OGFOD1: variants seen among roughly 807,000 people sequenced by gnomAD.
OGFOD1 encodes the protein prolyl 3-hydroxylase OGFOD1.
Under a neutral mutation model 67.7 loss-of-function variants are expected in OGFOD1, and 54 were observed. The ratio of observed to expected loss-of-function variants is 0.80; its 90% CI spans 0.64 to 1.00. OGFOD1 has a LOEUF of 1.00. Among genes scored for constraint, OGFOD1 ranks in the 50% least tolerant of loss-of-function variants. OGFOD1 has a pLI of 0.00. For synonymous variants in OGFOD1, 221 were observed against 227.0 expected, an observed-to-expected ratio of 0.97 and a Z score of 0.24; for missense variants, 606 against 646.7, an observed-to-expected ratio of 0.94 and a Z score of 0.68.
chr16:56,473,938 C>A (rs1357277262), intron 10 of OGFOD1, among the ~76,000 whole-genome samples: 5 of 151,982 alleles, frequency 3.3e-5, no homozygotes, highest in African/African-American at 1.2e-4. Context: ...TCCTAAGTAG[C>A]TGGGATTACA....
At chr16:56,458,790 T>C in intron 3 of OGFOD1, 196 bp downstream of exon 3, 1 of 546,104 alleles carries the variant, frequency 1.8e-6, no homozygotes, top group Non-Finnish European at 3.3e-6. Flanking sequence ...CCTAAGTCTG[T>C]CTGATTCCAA....
At chr16:56,468,818 AT>A (rs1963018520) in intron 8 of OGFOD1, among the ~76,000 whole-genome samples, 1 of 151,770 alleles carries the variant, frequency 6.6e-6, no homozygotes, top group South Asian at 2.1e-4. Flanking sequence ...CACTCTGGGT[AT>A]TTATTTTGTC....
chr16:56,467,750 T>G (rs1962967081), intron 7 of OGFOD1, among the ~76,000 whole-genome samples, 155 bp from the exon 8 acceptor site: 1 of 152,190 alleles, frequency 6.6e-6, no homozygotes, highest in Non-Finnish European at 1.5e-5. Context: ...AGTAAACTTT[T>G]GAGAGTGTCT....
At position 56,451,627 on chromosome 16, in the gene OGFOD1, G is replaced by GCCAGCGGAGC; in HGVS notation, c.18_27dup (p.Gly10SerfsTer35). On this transcript the variant is annotated frameshift_variant, in exon 1 of 13. Coordinates refer to ENST00000566157, the MANE Select transcript of OGFOD1 (RefSeq NM_018233.4). LOFTEE classifies it high-confidence loss of function. ...CTTGGGAAGAGATGAATGGGAAGCG[G>GCCAGCGGAGC]CCAGCGGAGCCCGGCCCAGCCCGGG... 6.2e-7 allele frequency: 1 copy of GCCAGCGGAGC among 1,613,784 alleles called. No individual in the cohort carries two copies. Among genetic ancestry groups the GCCAGCGGAGC allele is most frequent in the African/African-American group, 1.3e-5 (1 of 75,052 alleles).
chr16:56,455,561 G>C (rs1962498627), intron 2 of OGFOD1, among the ~76,000 whole-genome samples: 1 of 152,078 alleles, frequency 6.6e-6, no homozygotes, highest in Non-Finnish European at 1.5e-5. Flanking sequence ...GTAAAATCTG[G>C]TTTCATTCTC....
Position 56,451,636 on chromosome 16 carries a change from G to T in OGFOD1, c.24G>T (p.Glu8Asp), listed in dbSNP as rs754943321. ...AGATGAATGGGAAGCGGCCAGCGGAGCCCGGCCCAGCCCGGGTGGGAAAAA... is the reference window on the plus strand; with the variant it reads ...AGATGAATGGGAAGCGGCCAGCGGATCCCGGCCCAGCCCGGGTGGGAAAAA... MNGKRPA[E>D]PGPARVGKKG... is the part of the protein sequence containing the mutation. Residue 8 changes from glutamate (E) to aspartate (D), a missense_variant, in exon 1 of 13, where the codon GAG (glutamate) becomes GAT (aspartate). Coordinates refer to ENST00000566157, the MANE Select transcript of OGFOD1 (RefSeq NM_018233.4). 6 of 1,613,928 alleles carry T rather than the reference G, an allele frequency of 3.7e-6. No homozygotes were observed. The highest frequency in any genetic ancestry group is 1.3e-5 in the African/African-American group (1 of 75,062).
intron 4 of OGFOD1, chr16:56,465,532 C>T (rs576879499): frequency 6.6e-6 from 1 of 152,356 alleles, no homozygotes; most frequent in African/African-American, 2.4e-5. Context: ...CCTTCCCTCC[C>T]TCTCAGCCTG....
In OGFOD1 at chr16:56,469,128, C is replaced by T. The variant is rs1351256225; in HGVS notation, c.901-875C>T. On this transcript the variant is annotated intron_variant, in intron 8 of 12. Coordinates refer to ENST00000566157, the MANE Select transcript of OGFOD1 (RefSeq NM_018233.4). ...GCTATGGGATCTTTCCTTTTTCATGCATTTATAACTGATAGGACTGCTTGG... is the reference window on the plus strand; with the variant it reads ...GCTATGGGATCTTTCCTTTTTCATGTATTTATAACTGATAGGACTGCTTGG... Among the ~76,000 whole-genome samples, 4 of 152,306 alleles carry T rather than the reference C, an allele frequency of 2.6e-5. No homozygotes were observed. In the East Asian group the frequency reaches 7.7e-4, roughly 29 times the overall value.
At position 56,473,717 on chromosome 16, in the gene OGFOD1, T is replaced by C. The variant is rs557197347; in HGVS notation, c.1286-1111T>C. On this transcript the variant is annotated intron_variant, in intron 10 of 12. Transcript: ENST00000566157. ...TTGGTTACTTGATTTTTTTTTTTCA[T>C]GAGTTGCCTGTCATTACCTCAGTGT... Among the ~76,000 whole-genome samples, 15 of 152,298 alleles carry C rather than the reference T, an allele frequency of 9.8e-5. No homozygotes were observed. The East Asian group carries it at 2.7e-3, about 27-fold the overall frequency.
Position 56,467,195 on chromosome 16 carries a change from C to G in OGFOD1, c.688C>G (p.Arg230Gly). Residue 230 changes from arginine (R) to glycine (G), a missense_variant, in exon 7 of 13, where the codon CGT becomes GGT. Transcript: ENST00000566157. ...TGAAGTGCTGTCTGAAGAAAAGTCACGTTTGTCTATAAGTGGCTGGTTTCA... is the reference window on the plus strand; with the variant it reads ...TGAAGTGCTGTCTGAAGAAAAGTCAGGTTTGTCTATAAGTGGCTGGTTTCA... The part of the protein sequence containing the change: ...VSEVLSEEKS[R>G]LSISGWFHGP... 2 of 1,614,054 alleles carry G rather than the reference C, an allele frequency of 1.2e-6. No homozygotes were observed.
In OGFOD1 at chr16:56,476,465, T is replaced by C; in HGVS notation, c.*260T>C. The C allele has an allele frequency of 3.5e-6, 1 of 282,162 alleles. No individual in the cohort carries two copies. The highest frequency in any genetic ancestry group is 6.5e-6 in the Non-Finnish European group (1 of 154,262). 17.5% of individuals were successfully genotyped at this position (282,162 alleles called of 1,614,324 possible). On this transcript the variant is annotated 3_prime_UTR_variant, in exon 13 of 13. Transcript: ENST00000566157. ...TAGTCCTTTTTCCATATTGGCTTCT[T>C]CAGTGAATTTTTAAGTTCAATTTGT...
rs765848343 is a variant in OGFOD1 at position 56,467,156 on chromosome 16, T to C, written c.658-9T>C. 1.2e-6 allele frequency: 2 copies of C among 1,614,132 alleles called. No individual in the cohort carries two copies. Among genetic ancestry groups the C allele is most frequent in the Non-Finnish European group, 1.7e-6 (2 of 1,180,018 alleles). ...TCGTGTTGATGTGCTACTGGGCTTCTCCTTTCAGGTGTCTGAAGTGCTGTC... is the reference window on the plus strand; with the variant it reads ...TCGTGTTGATGTGCTACTGGGCTTCCCCTTTCAGGTGTCTGAAGTGCTGTC... On this transcript the variant is annotated splice_polypyrimidine_tract_variant and intron_variant, in intron 6 of 12. Transcript: ENST00000566157.
At chr16:56,469,253 G>C (rs1466131614) in intron 8 of OGFOD1, among the ~76,000 whole-genome samples, 1 of 152,162 alleles carries the variant, frequency 6.6e-6, no homozygotes, top group Non-Finnish European at 1.5e-5. Flanking sequence ...AATTTAGAAT[G>C]GTTATTAAAT....
Position 56,467,221 on chromosome 16 carries a change from T to C in OGFOD1, c.714T>C (p.His238=), listed in dbSNP as rs1167792860. The C allele has an allele frequency of 6.2e-7, 1 of 1,614,158 alleles. No homozygotes were observed. Among genetic ancestry groups the C allele is most frequent in the East Asian group, 2.2e-5 (1 of 44,888 alleles). Residue 238 remains histidine, a synonymous_variant, in exon 7 of 13, where the codon CAT becomes CAC. Transcript: ENST00000566157. The part of the protein sequence containing the change: ...KSRLSISGWF[H]GPSLTRPPNY... Reference sequence around the variant, plus strand: ...GTTTGTCTATAAGTGGCTGGTTTCATGGTCCATCATTGACTCGGCCTCCCA... The same window carrying C: ...GTTTGTCTATAAGTGGCTGGTTTCACGGTCCATCATTGACTCGGCCTCCCA...
In OGFOD1 at chr16:56,466,276, A is replaced by T. The variant is rs1962897505; in HGVS notation, c.565+8A>T. 6.4e-7 allele frequency: 1 copy of T among 1,563,516 alleles called. No homozygotes were observed. The highest frequency in any genetic ancestry group is 1.1e-5 in the South Asian group (1 of 89,908). On this transcript the variant is annotated splice_region_variant and intron_variant, in intron 5 of 12. Coordinates refer to ENST00000566157, the MANE Select transcript of OGFOD1 (RefSeq NM_018233.4). ...ACCTGTACAGCATTGATGGTAAGAT[A>T]AGTATAAGTGCATGCACTTCACCAC...
chr16:56,468,040 C>A, intron 8 of OGFOD1, 22 bp downstream of exon 8: 1 of 1,283,492 alleles, frequency 7.8e-7, no homozygotes, highest in Non-Finnish European at 1.1e-6. Flanking sequence ...GTATGTTGTT[C>A]TGAATATTTT....
chr16:56,470,673 A>G lies in OGFOD1; in HGVS notation c.1167A>G (p.Glu389=). The change falls in exon 10 of 13, where the codon GAA becomes GAG. Residue 389 remains glutamate, a synonymous_variant. Transcript: ENST00000566157. ...KKEAETTDIT[E]EGTSHSPPEP... ...AGGCAGAAACCACTGATATCACTGA[A>G]GAAGGGACTAGCCATAGTCCTCCTG... is the stretch of plus-strand genomic sequence containing the variant. The G allele has an allele frequency of 6.2e-7, 1 of 1,614,198 alleles. No individual in the cohort carries two copies. Among genetic ancestry groups the G allele is most frequent in the Non-Finnish European group, 8.5e-7 (1 of 1,180,030 alleles).
rs1962977531 is a variant in OGFOD1, at chr16:56,467,996, T to C, written c.878T>C (p.Ile293Thr). The C allele has an allele frequency of 1.9e-6, 3 of 1,581,566 alleles. No individual in the cohort carries two copies. In the East Asian group the frequency reaches 6.7e-5, roughly 35 times the overall value. Residue 293 changes from isoleucine (I) to threonine (T), a missense_variant, in exon 8 of 13, where the codon ATT (isoleucine) becomes ACT (threonine). Ile to Thr is a moderately conservative substitution (Grantham distance 89). Coordinates refer to ENST00000566157, the MANE Select transcript of OGFOD1 (RefSeq NM_018233.4). ...GAAGAGTTTGAAGAAAGTTCTGAAATTCTCCTGAAGGAGTTTCTTAAGGTA... is the reference window on the plus strand; with the variant it reads ...GAAGAGTTTGAAGAAAGTTCTGAAACTCTCCTGAAGGAGTTTCTTAAGGTA... ...IQEEFEESSE[I>T]LLKEFLKPEK...
At chr16:56,455,128 G>A (rs1165900007) in intron 2 of OGFOD1, among the ~76,000 whole-genome samples, 1 of 152,218 alleles carries the variant, frequency 6.6e-6, no homozygotes, top group East Asian at 1.9e-4. Context: ...AGCACTTTGG[G>A]AGGCTGAGGC....
Sources: gnomAD v4.1 joint callset for allele counts (sites outside exome capture counted in the v4.1 genomes callset) on GRCh38, gnomAD v4.1.1 for gene constraint, MANE v1.5 for transcripts, NCBI Gene and HGNC (gene_info 2026-07-23, HGNC 2026-07-21) for gene names.